The following PTPN2 variants were observed in gnomAD, a reference collection of about 807,000 sequenced individuals.
PTPN2 encodes the protein tyrosine-protein phosphatase non-receptor type 2.
Under a neutral mutation model 57.3 loss-of-function variants are expected in PTPN2, and 19 were observed. That is an observed-to-expected ratio of 0.33 (90% CI 0.23 to 0.49). The LOEUF is 0.49. Ranked by LOEUF, PTPN2 falls within the 20% of genes least tolerant of loss-of-function variation. PTPN2 has a pLI of 0.99. For missense variants in PTPN2, 358 were observed against 501.1 expected, an observed-to-expected ratio of 0.71 and a Z score of 2.73; for synonymous variants, 153 against 164.9, an observed-to-expected ratio of 0.93 and a Z score of 0.55.
At chr18:12,832,922 G>A in intron 3 of PTPN2, among the ~76,000 whole-genome samples, 1 of 152,194 alleles carries the variant, frequency 6.6e-6, no homozygotes. Flanking sequence ...CTGAGTAGTT[G>A]GGATTACAGG....
intron 7 of PTPN2, among the ~76,000 whole-genome samples, chr18:12,812,820 T>C (rs1431737075): frequency 1.3e-5 from 2 of 152,152 alleles, no homozygotes; most frequent in East Asian, 1.9e-4. Context: ...CTATCTGGAA[T>C]AGGGGCAGAA....
intron 2 of PTPN2, among the ~76,000 whole-genome samples, chr18:12,855,533 G>C (rs894938429): frequency 2.6e-5 from 4 of 152,078 alleles, no homozygotes; most frequent in Admixed American, 2.6e-4. Flanking sequence ...AGAACATGAA[G>C]CTAAGGTGGT....
At chr18:12,862,100 A>C (rs1241057147) in intron 1 of PTPN2, 1 of 150,988 alleles carries the variant, frequency 6.6e-6, no homozygotes. Context: ...CAATATTTCA[A>C]AAAGCAGCTC....
intron 1 of PTPN2, among the ~76,000 whole-genome samples, chr18:12,870,686 T>C (rs2044241199): frequency 6.6e-6 from 1 of 150,778 alleles, no homozygotes. Flanking sequence ...TTTTTTTGTG[T>C]TTTTAGTAGA....
chr18:12,800,630 A>G (rs2542171), intron 8 of PTPN2, among the ~76,000 whole-genome samples: 145,878 of 152,190 alleles, frequency 0.96, 70,228 homozygotes, highest in East Asian at 1. Flanking sequence ...AATTTCAGGT[A>G]TTTAATTTTT....
chr18:12,870,353 GTATATATA>G (rs1183625674), intron 1 of PTPN2, among the ~76,000 whole-genome samples: 2 of 37,322 alleles, frequency 5.4e-5, no homozygotes, highest in African/African-American at 3.7e-4. Context: ...ATATATATGT[GTATATATA>G]TGTGTATATA....
chr18:12,802,190 T>A, intron 7 of PTPN2, 39 bp from the exon 8 acceptor site: 1 of 1,435,604 alleles, frequency 7.0e-7, no homozygotes, highest in Non-Finnish European at 9.4e-7. Context: ...ATGCAAACAT[T>A]AAAAATTTAT....
intron 1 of PTPN2, among the ~76,000 whole-genome samples, chr18:12,867,467 T>C (rs2044033759): frequency 6.6e-6 from 1 of 152,090 alleles, no homozygotes. Flanking sequence ...TCCTCAGATG[T>C]TGTCAAGATT....
chr18:12,789,287 A>C (rs1454029435), downstream of PTPN2, among the ~76,000 whole-genome samples: 1 of 152,240 alleles, frequency 6.6e-6, no homozygotes, highest in African/African-American at 2.4e-5. Context: ...GATAGCTATA[A>C]GGGAAAGTGG....
At position 12,793,469 on chromosome 18, in the gene PTPN2, A is replaced by T; in HGVS notation, c.*809T>A. ...AAACCAATTTCTTTACAAAGTCTTGACCAACTGTTTACCTGACTATCCCAG... is the reference window on the plus strand; with the variant it reads ...AAACCAATTTCTTTACAAAGTCTTGTCCAACTGTTTACCTGACTATCCCAG... On this transcript the variant is annotated 3_prime_UTR_variant, in exon 9 of 9. Transcript: ENST00000309660. 2 of 977,152 alleles carry T rather than the reference A, an allele frequency of 2.0e-6. No individual in the cohort carries two copies. The highest frequency in any genetic ancestry group is 2.4e-6 in the Non-Finnish European group (2 of 821,876). The allele number at this position is 977,152 out of a possible 1,614,324, so 60.5% of individuals were successfully genotyped here. A position where few individuals can be genotyped will look rare whatever the true frequency, so the allele number is the denominator to read the frequency against.
At chr18:12,791,093 A>T (rs1395031610), downstream of PTPN2, among the ~76,000 whole-genome samples, 2 of 152,238 alleles carry the variant, frequency 1.3e-5, no homozygotes, top group African/African-American at 4.8e-5. Flanking sequence ...AACATGGAGA[A>T]TTATATTTTT....
chr18:12,833,676 T>C (rs995785743), intron 3 of PTPN2, among the ~76,000 whole-genome samples: 12 of 152,102 alleles, frequency 7.9e-5, no homozygotes, highest in African/African-American at 2.9e-4. Context: ...AGTTGGTGAC[T>C]ACACCACTAG....
intron 7 of PTPN2, among the ~76,000 whole-genome samples, chr18:12,807,802 G>A (rs909058546): frequency 7.9e-5 from 12 of 151,602 alleles, no homozygotes; most frequent in Non-Finnish European, 1.8e-4. Flanking sequence ...GAGTAGGGAA[G>A]AGGGGGCATA....
chr18:12,807,600 T>TACATAC (rs1486671576), intron 7 of PTPN2, among the ~76,000 whole-genome samples: 1 of 85,216 alleles, frequency 1.2e-5, no homozygotes, highest in Non-Finnish European at 2.5e-5. Context: ...TATATATATA[T>TACATAC]ATATAATATA....
chr18:12,799,357 CAGTG>C (rs1284749244), intron 8 of PTPN2, among the ~76,000 whole-genome samples: 1 of 150,434 alleles, frequency 6.6e-6, no homozygotes, highest in Non-Finnish European at 1.5e-5. Flanking sequence ...GTGGAGGTTG[CAGTG>C]AGCCAAGACT....
At chr18:12,807,586 A>AAAAAAAAAAAAAAAAAAAAAATATAT in intron 7 of PTPN2, among the ~76,000 whole-genome samples, 1 of 35,194 alleles carries the variant, frequency 2.8e-5, no homozygotes, top group Non-Finnish European at 6.1e-5. Context: ...AAAAAAAAAA[A>AAAAAAAAAAAAAAAAAAAAAATATAT]ATATATATAT....
At chr18:12,802,284 G>A (rs141621155) in intron 7 of PTPN2, 133 bp from the exon 8 acceptor site, 2 of 722,734 alleles carry the variant, frequency 2.8e-6, no homozygotes, top group Non-Finnish European at 2.2e-6. Context: ...GAGTGAAAAA[G>A]AAAAAGGCAT....
intron 5 of PTPN2, among the ~76,000 whole-genome samples, chr18:12,825,302 A>C (rs2042410787): frequency 6.6e-6 from 1 of 151,852 alleles, no homozygotes. Context: ...TTTCTTGACT[A>C]TTTTGCTATT....
intron 1 of PTPN2, among the ~76,000 whole-genome samples, chr18:12,880,299 C>G (rs1364640439): frequency 6.6e-6 from 1 of 152,188 alleles, no homozygotes; most frequent in African/African-American, 2.4e-5. Flanking sequence ...TAGGGGAAAT[C>G]AAGCAAGAGA....
Sources: gnomAD v4.1 joint callset for allele counts (sites outside exome capture counted in the v4.1 genomes callset) on GRCh38, gnomAD v4.1.1 for gene constraint, MANE v1.5 for transcripts, NCBI Gene and HGNC (gene_info 2026-07-23, HGNC 2026-07-21) for gene names.